TSHZ2: variants seen among roughly 807,000 people sequenced by gnomAD.
TSHZ2 encodes teashirt homolog 2.
A neutral mutation model predicts 74.4 loss-of-function variants in TSHZ2; 21 were observed. The ratio of observed to expected loss-of-function variants is 0.28; its 90% confidence interval spans 0.20 to 0.41. The LOEUF is 0.41. Ranked by LOEUF, TSHZ2 falls within the 10% of genes least tolerant of loss-of-function variation. The probability of loss-of-function intolerance (pLI) is 1.00; values close to 1 mark genes in which losing one functional copy is unlikely to be tolerated. For missense variants in TSHZ2, 1,244 were observed against 1,293.5 expected (o/e 0.96, Z 0.59); for synonymous variants, 540 against 515.3 (o/e 1.05, Z -0.65).
At chr20:53,406,153 A>T (rs1451631780) in intron 2 of TSHZ2, among the ~76,000 whole-genome samples, 1 of 152,140 alleles carries the variant, frequency 6.6e-6, no homozygotes, top group Non-Finnish European at 1.5e-5. Context: ...GGGGGCACAG[A>T]ACCACCAACT....
intron 1 of TSHZ2, among the ~76,000 whole-genome samples, chr20:52,985,056 C>G (rs1351991837): frequency 1.3e-5 from 2 of 152,114 alleles, no homozygotes; most frequent in African/African-American, 4.8e-5. Context: ...TAGAACTGAC[C>G]GTACAGGGAA....
At chr20:52,990,193 T>C (rs1415463413) in intron 1 of TSHZ2, among the ~76,000 whole-genome samples, 1 of 151,818 alleles carries the variant, frequency 6.6e-6, no homozygotes, top group Non-Finnish European at 1.5e-5. Context: ...AGTAAGAAAA[T>C]CATTTGGGAA....
At chr20:53,204,819 C>T (rs1989123704) in intron 1 of TSHZ2, among the ~76,000 whole-genome samples, 1 of 152,042 alleles carries the variant, frequency 6.6e-6, no homozygotes, top group African/African-American at 2.4e-5. Context: ...CGGTGGCTCA[C>T]GCCTGTAATC....
At chr20:52,985,291 A>T (rs1051215690) in intron 1 of TSHZ2, among the ~76,000 whole-genome samples, 2 of 152,216 alleles carry the variant, frequency 1.3e-5, no homozygotes, top group African/African-American at 4.8e-5. Flanking sequence ...AACAGACCTA[A>T]TAAAAGGACT....
intron 2 of TSHZ2, among the ~76,000 whole-genome samples, chr20:53,344,919 AAAAAT>A (rs1457239123): frequency 6.6e-6 from 1 of 152,224 alleles, no homozygotes; most frequent in African/African-American, 2.4e-5. Flanking sequence ...GATTGTGTAA[AAAAAT>A]AAAATACGTG....
At chr20:53,208,245 C>G (rs774859939) in intron 1 of TSHZ2, among the ~76,000 whole-genome samples, 27 of 152,168 alleles carry the variant, frequency 1.8e-4, no homozygotes, top group Non-Finnish European at 3.7e-4. Context: ...ACCCTAATGT[C>G]TTTTCTCTTC....
intron 2 of TSHZ2, among the ~76,000 whole-genome samples, chr20:53,372,713 T>C (rs1981521777): frequency 6.6e-6 from 1 of 152,158 alleles, no homozygotes; most frequent in African/African-American, 2.4e-5. Flanking sequence ...CCCACCAATC[T>C]AAAGCTCAGC....
At chr20:53,486,970 G>T (rs538643100) in intron 2 of TSHZ2, among the ~76,000 whole-genome samples, 174 bp from the exon 3 acceptor site, 1 of 152,106 alleles carries the variant, frequency 6.6e-6, no homozygotes, top group African/African-American at 2.4e-5. Flanking sequence ...TTTTCTCAAA[G>T]TTGACTCCTC....
In TSHZ2 at chr20:53,458,164, A is replaced by G. The variant is rs556615937; in HGVS notation, c.*9-28980A>G. Among the ~76,000 whole-genome samples the G allele has an allele frequency of 4.0e-4, 60 of 150,282 alleles. No homozygotes were observed. In the East Asian group the frequency reaches 0.01, roughly 25 times the overall value. On this transcript the variant is annotated intron_variant, in intron 2 of 2. Coordinates refer to ENST00000371497, the MANE Select transcript of TSHZ2 (RefSeq NM_173485.6). ...AGTTCCTCCTTGTACCTCTGGTAGAATTCGGCTGTGAATCCATCTGGTCCT... is the reference window on the plus strand; with the variant it reads ...AGTTCCTCCTTGTACCTCTGGTAGAGTTCGGCTGTGAATCCATCTGGTCCT...
intron 1 of TSHZ2, among the ~76,000 whole-genome samples, chr20:52,995,416 A>C (rs1982147237): frequency 6.6e-6 from 1 of 152,122 alleles, no homozygotes; most frequent in Non-Finnish European, 1.5e-5. Context: ...CCCTGAACCA[A>C]TCACTTTCTC....
intron 2 of TSHZ2, among the ~76,000 whole-genome samples, chr20:53,466,013 C>T (rs1477485726): frequency 6.7e-6 from 1 of 150,162 alleles, no homozygotes; most frequent in Admixed American, 6.6e-5. Flanking sequence ...TTGGGGGGCC[C>T]AAGGCAGGTG....
Position 53,346,364 on chromosome 20 carries a change from C to T in TSHZ2, c.*8+89793C>T, listed in dbSNP as rs6512880. Among the ~76,000 whole-genome samples the T allele has an allele frequency of 4.5e-3, 684 of 152,250 alleles. 5 individuals carry two copies. Among genetic ancestry groups the T allele is most frequent in the Middle Eastern group, 0.027 (8 of 294 alleles). On this transcript the variant is annotated intron_variant, in intron 2 of 2. Transcript: ENST00000371497. ...GACAACAAAGGCTCAGGGTGCACGA[C>T]AGAAAATAGGAAGGGAACGGCCCTC...
At chr20:53,143,073 G>A (rs1289369328) in intron 1 of TSHZ2, among the ~76,000 whole-genome samples, 1 of 152,176 alleles carries the variant, frequency 6.6e-6, no homozygotes, top group African/African-American at 2.4e-5. Context: ...TTTTGTGTGT[G>A]TGTGAGTGCA....
intron 1 of TSHZ2, among the ~76,000 whole-genome samples, chr20:53,046,058 G>T (rs1011414419): frequency 2.6e-5 from 4 of 152,094 alleles, no homozygotes; most frequent in African/African-American, 9.7e-5. Context: ...TCCAAGGAGG[G>T]CCCCCAGATT....
intron 1 of TSHZ2, among the ~76,000 whole-genome samples, chr20:53,223,134 G>C (rs910733637): frequency 6.9e-6 from 1 of 144,824 alleles, no homozygotes; most frequent in African/African-American, 2.5e-5. Flanking sequence ...TGCTGACCTA[G>C]AGATTTTTTT....
At chr20:53,414,990 G>A (rs1185061783) in intron 2 of TSHZ2, among the ~76,000 whole-genome samples, 1 of 152,170 alleles carries the variant, frequency 6.6e-6, no homozygotes, top group Non-Finnish European at 1.5e-5. Context: ...AAATGCTGAG[G>A]ACAGGGCCTG....
At chr20:53,053,231 T>G (rs6013622) in intron 1 of TSHZ2, among the ~76,000 whole-genome samples, 81,179 of 152,044 alleles carry the variant, frequency 0.53, 22,009 homozygotes, top group East Asian at 0.73. Flanking sequence ...TTCAATTTTA[T>G]TACCAAATAA....
At chr20:53,391,445 G>A (rs924281345) in intron 2 of TSHZ2, among the ~76,000 whole-genome samples, 7 of 150,322 alleles carry the variant, frequency 4.7e-5, no homozygotes, top group Non-Finnish European at 5.9e-5. Flanking sequence ...GCACCAGGCC[G>A]TTTTTTTTGT....
At chr20:53,486,130 T>C (rs1262679406) in intron 2 of TSHZ2, among the ~76,000 whole-genome samples, 1 of 152,240 alleles carries the variant, frequency 6.6e-6, no homozygotes, top group Non-Finnish European at 1.5e-5. Context: ...AGATATGTTA[T>C]ATAGGTATAA....
Sources: allele counts gnomAD v4.1 joint callset (sites outside exome capture counted in the v4.1 genomes callset), GRCh38; gene constraint gnomAD v4.1.1; transcripts MANE v1.5; gene names NCBI Gene and HGNC (gene_info 2026-07-23, HGNC 2026-07-21).